The following RUNDC3B variants were observed in gnomAD, a reference collection of about 807,000 sequenced individuals.
The protein encoded by RUNDC3B is RUN domain containing 3B.
Under a neutral mutation model 58.4 loss-of-function variants are expected in RUNDC3B, and 33 were observed. The observed-to-expected ratio is 0.56, with a 90% confidence interval of 0.43 to 0.75. The LOEUF (loss-of-function observed/expected upper bound fraction) is 0.75, where lower values mean the gene tolerates loss of function less well. Among genes scored for constraint, RUNDC3B ranks in the 30% least tolerant of loss-of-function variants. RUNDC3B has a pLI of 0.00. For missense variants in RUNDC3B, 501 were observed against 535.7 expected (o/e 0.94, Z 0.64); for synonymous variants, 193 against 195.2 (o/e 0.99, Z 0.10).
chr7:87,663,364 C>A (rs1221159148), intron 2 of RUNDC3B, among the ~76,000 whole-genome samples: 1 of 152,040 alleles, frequency 6.6e-6, no homozygotes, highest in Non-Finnish European at 1.5e-5. Flanking sequence ...TTGTCCAGTT[C>A]AGCTGCATTC....
intron 2 of RUNDC3B, among the ~76,000 whole-genome samples, chr7:87,679,525 G>T (rs190560115): frequency 6.7e-6 from 1 of 149,974 alleles, no homozygotes; most frequent in Non-Finnish European, 1.5e-5. Context: ...GAGTAGCTGG[G>T]ACTACAGGCA....
At chr7:87,727,244 T>C (rs2130786448) in intron 4 of RUNDC3B, among the ~76,000 whole-genome samples, 1 of 152,258 alleles carries the variant, frequency 6.6e-6, no homozygotes, top group South Asian at 2.1e-4. Context: ...TATCTCTTAT[T>C]ATTTTGAGTT....
At chr7:87,784,714 TGTG>T (rs1173719396) in intron 8 of RUNDC3B, among the ~76,000 whole-genome samples, 4 of 101,214 alleles carry the variant, frequency 4.0e-5, no homozygotes, top group African/African-American at 1.6e-4. Context: ...GTAGGGGAGA[TGTG>T]GTGAGGGGAG....
rs1391912267 is a variant in RUNDC3B, at chr7:87,800,276, G to A, written c.957-7097G>A. On this transcript the variant is annotated intron_variant, in intron 8 of 10. Transcript: ENST00000394654. ...TTCAAGCCTGGAGCCACAAGAAAAA[G>A]AATCAAATAAATGAACAAGAGAATA... 2.2e-4 allele frequency among the ~76,000 whole-genome samples: 33 copies of A among 152,104 alleles called. 1 individual carries two copies. Among genetic ancestry groups the A allele is most frequent in the Admixed American group, 2.2e-3 (33 of 15,268 alleles).
intron 4 of RUNDC3B, among the ~76,000 whole-genome samples, chr7:87,716,515 G>A (rs1830563507): frequency 6.6e-6 from 1 of 152,028 alleles, no homozygotes; most frequent in Non-Finnish European, 1.5e-5. Flanking sequence ...TCTCATCTTT[G>A]GGCAATGTGC....
chr7:87,700,583 AT>A (rs201077909), intron 3 of RUNDC3B, 29 bp downstream of exon 3: 3,074 of 1,431,324 alleles, frequency 2.1e-3, no homozygotes, highest in Admixed American at 4.2e-3. Flanking sequence ...ACTCGTTTCT[AT>A]TTTTTTTTTC....
chr7:87,726,867 C>G (rs1337644740), intron 4 of RUNDC3B, among the ~76,000 whole-genome samples: 3 of 152,100 alleles, frequency 2.0e-5, no homozygotes, highest in Admixed American at 2.0e-4. Flanking sequence ...TGGGAGTTCA[C>G]TCATGATTTG....
chr7:87,830,234 G>C lies in RUNDC3B; in HGVS notation c.*204G>C, dbSNP rs952315125. 6 of 344,800 alleles carry C rather than the reference G, an allele frequency of 1.7e-5. No individual in the cohort carries two copies. The highest frequency in any genetic ancestry group is 1.3e-4 in the African/African-American group (6 of 46,656). The allele number at this position is 344,800 out of a possible 1,614,324, so 21.4% of individuals were successfully genotyped here. A position where few individuals can be genotyped will look rare whatever the true frequency, so the allele number is the denominator to read the frequency against. ...TTTCATTTTTAAAATTCTTACATTT[G>C]TCATTGAGAAAGTTCAAAATGGAAT... On this transcript the variant is annotated 3_prime_UTR_variant, in exon 11 of 11. Transcript: ENST00000394654.
chr7:87,667,485 T>C (rs112425602), intron 2 of RUNDC3B, among the ~76,000 whole-genome samples: 26 of 152,252 alleles, frequency 1.7e-4, no homozygotes, highest in African/African-American at 6.3e-4. Flanking sequence ...CCTTTATTTC[T>C]TTCTCTTGCC....
chr7:87,682,858 G>A (rs1161961392), intron 2 of RUNDC3B, among the ~76,000 whole-genome samples: 4 of 152,146 alleles, frequency 2.6e-5, no homozygotes, highest in African/African-American at 7.2e-5. Context: ...CCTTTGAAGC[G>A]TTAAAGCCAG....
intron 2 of RUNDC3B, among the ~76,000 whole-genome samples, chr7:87,686,548 A>C (rs1478931847): frequency 6.6e-6 from 1 of 152,174 alleles, no homozygotes; most frequent in East Asian, 1.9e-4. Flanking sequence ...TTTAGCAGTA[A>C]AGTCATCAGA....
Position 87,628,400 on chromosome 7 carries a change from C to G in RUNDC3B, c.-424C>G, listed in dbSNP as rs899184258. 1.3e-5 allele frequency: 2 copies of G among 157,876 alleles called. No homozygotes were observed. Among genetic ancestry groups the G allele is most frequent in the Admixed American group, 6.5e-5 (1 of 15,458 alleles). The allele number at this position is 157,876 out of a possible 1,614,324, so 9.8% of individuals were successfully genotyped here. A position where few individuals can be genotyped will look rare whatever the true frequency, so the allele number is the denominator to read the frequency against. On this transcript the variant is annotated 5_prime_UTR_variant, in exon 1 of 11. Transcript: ENST00000394654. ...GCGCACGCGAGGCCGGGGGCCTTGC[C>G]GCTGCCTCCCGGGCTGGGGCACGAG... is the stretch of plus-strand genomic sequence containing the variant.
chr7:87,794,841 A>C (rs1392308044), intron 8 of RUNDC3B, among the ~76,000 whole-genome samples: 2 of 152,186 alleles, frequency 1.3e-5, no homozygotes, highest in Non-Finnish European at 2.9e-5. Context: ...ACCTACAGTG[A>C]TCTATTTTTG....
rs193071565 is a variant in RUNDC3B, at chr7:87,815,086, C to T, written c.1104-1055C>T. Among the ~76,000 whole-genome samples the T allele has an allele frequency of 1.8e-3, 274 of 151,660 alleles. 1 individual carries two copies. The highest frequency in any genetic ancestry group is 2.6e-3 in the Non-Finnish European group (178 of 67,864). On this transcript the variant is annotated intron_variant, in intron 9 of 10. Coordinates refer to ENST00000394654, the MANE Select transcript of RUNDC3B (RefSeq NM_001134405.2). ...TTCAGTTACTAAAGTAAATTCTTTC[C>T]CCCCCTTCCTCCCCATTTTGAATGG...
At chr7:87,689,164 A>G (rs1352088805) in intron 2 of RUNDC3B, among the ~76,000 whole-genome samples, 1 of 152,090 alleles carries the variant, frequency 6.6e-6, no homozygotes, top group Non-Finnish European at 1.5e-5. Context: ...TATTATTGAT[A>G]AAATTATCTG....
At chr7:87,735,805 TACTTTATATTTATCATCATCTGTAA>T (rs1831891850) in intron 4 of RUNDC3B, among the ~76,000 whole-genome samples, 1 of 152,182 alleles carries the variant, frequency 6.6e-6, no homozygotes, top group Non-Finnish European at 1.5e-5. Flanking sequence ...CCTCTTTATT[TACTTTATATTTATCATCATCTGTAA>T]TTATCTTTGT....
intron 2 of RUNDC3B, among the ~76,000 whole-genome samples, chr7:87,661,238 GC>G (rs1824680345): frequency 6.6e-6 from 1 of 151,612 alleles, no homozygotes; most frequent in African/African-American, 2.4e-5. Context: ...ATCACTTCAA[GC>G]ATTCATTTTT....
intron 2 of RUNDC3B, among the ~76,000 whole-genome samples, chr7:87,657,251 C>A (rs143419227): frequency 6.4e-4 from 97 of 152,086 alleles, no homozygotes; most frequent in East Asian, 5.2e-3. Context: ...TTGGATAAGC[C>A]AGGAACCTGC....
intron 2 of RUNDC3B, among the ~76,000 whole-genome samples, chr7:87,651,651 A>T (rs895377555): frequency 2.6e-5 from 4 of 152,124 alleles, no homozygotes; most frequent in Non-Finnish European, 4.4e-5. Context: ...TACAATCTTA[A>T]TGATACAGTT....
Sources: allele counts gnomAD v4.1 joint callset (sites outside exome capture counted in the v4.1 genomes callset), GRCh38; gene constraint gnomAD v4.1.1; transcripts MANE v1.5; gene names NCBI Gene and HGNC (gene_info 2026-07-23, HGNC 2026-07-21).